Variants in KLC1 observed in about 807,000 individuals in gnomAD.
KLC1 encodes the protein kinesin 2 60/70kDa.
KLC1 carries 30 observed loss-of-function variants against 84.2 expected under a neutral mutation model. The ratio of observed to expected loss-of-function variants is 0.36; its 90% CI spans 0.27 to 0.48. KLC1 has a LOEUF of 0.48. KLC1 is among the 20% of genes least tolerant of loss of function. The probability of loss-of-function intolerance (pLI) is 0.99; values close to 1 mark genes in which losing one functional copy is unlikely to be tolerated. For missense variants in KLC1, 499 were observed against 805.4 expected, an observed-to-expected ratio of 0.62 and a Z score of 4.60; for synonymous variants, 289 against 293.3, an observed-to-expected ratio of 0.99 and a Z score of 0.15.
chr14:103,663,133 G>A (rs1410693725), intron 5 of KLC1, among the ~76,000 whole-genome samples: 2 of 150,680 alleles, frequency 1.3e-5, no homozygotes, highest in African/African-American at 4.9e-5. Context: ...AGGCTGGAGT[G>A]CCGGGGTGTG....
At position 103,649,068 on chromosome 14, in the gene KLC1, C is replaced by T. The variant is rs528824520; in HGVS notation, c.-1-5496C>T. Among the ~76,000 whole-genome samples, 6 of 151,872 alleles carry T rather than the reference C, an allele frequency of 4.0e-5. No individual in the cohort carries two copies. The South Asian group carries it at 8.3e-4, about 21-fold the overall frequency. ...GGGAGGATCGCTTGAGCCCGGGATGCGGAAGTTGCAGTGAGCCAAAATAGT... is the reference window on the plus strand; with the variant it reads ...GGGAGGATCGCTTGAGCCCGGGATGTGGAAGTTGCAGTGAGCCAAAATAGT... On this transcript the variant is annotated intron_variant, in intron 1 of 16. Transcript: ENST00000334553.
intron 1 of KLC1, among the ~76,000 whole-genome samples, chr14:103,636,361 A>G (rs1203759150): frequency 6.6e-6 from 1 of 152,030 alleles, no homozygotes; most frequent in Admixed American, 6.6e-5. Context: ...ATCTGGGATT[A>G]CAGTCATGGG....
chr14:103,676,077 G>A (rs998655075), intron 11 of KLC1, among the ~76,000 whole-genome samples: 3 of 152,278 alleles, frequency 2.0e-5, no homozygotes, highest in African/African-American at 2.4e-5. Flanking sequence ...CACACACAGC[G>A]CTGGAGACAC....
chr14:103,660,600 C>A (rs543331248), intron 3 of KLC1, among the ~76,000 whole-genome samples: 1 of 152,032 alleles, frequency 6.6e-6, no homozygotes, highest in Admixed American at 6.6e-5. Flanking sequence ...ACCAGCCTGG[C>A]CAACATAGCA....
Position 103,673,444 on chromosome 14 carries a change from C to T in KLC1, c.1261+13C>T, listed in dbSNP as rs769789543. ...GGTTCTGTAGATGGTAAGAAATATA[C>T]TCCCGTTTCAAGTGAATTTAATTGT... On this transcript the variant is annotated intron_variant, in intron 9 of 16. Transcript: ENST00000334553. 2.9e-5 allele frequency: 43 copies of T among 1,489,016 alleles called. No individual in the cohort carries two copies. The South Asian group carries it at 4.8e-4, about 17-fold the overall frequency. 92.2% of individuals were successfully genotyped at this position (1,489,016 alleles called of 1,614,324 possible). A position where few individuals can be genotyped will look rare whatever the true frequency, so the allele number is the denominator to read the frequency against.
At chr14:103,648,696 G>C (rs2078149403) in intron 1 of KLC1, among the ~76,000 whole-genome samples, 1 of 152,244 alleles carries the variant, frequency 6.6e-6, no homozygotes. Context: ...AACTACGTGG[G>C]AGACTGAGGT....
At chr14:103,682,442 T>G (rs2151788362) in intron 13 of KLC1, 1 of 151,614 alleles carries the variant, frequency 6.6e-6, no homozygotes, top group South Asian at 2.1e-4. Flanking sequence ...CCCACCACTT[T>G]GGGAGGCCAA....
At chr14:103,676,148 T>C (rs2080856861) in intron 11 of KLC1, among the ~76,000 whole-genome samples, 2 of 152,186 alleles carry the variant, frequency 1.3e-5, no homozygotes, top group South Asian at 2.1e-4. Flanking sequence ...CAGAGGGAAG[T>C]GTAGGCCCCT....
At position 103,662,873 on chromosome 14, in the gene KLC1, G is replaced by A. The variant is rs761107358; in HGVS notation, c.743G>A (p.Gly248Glu). ...QALEDLEKTS[G>E]HDHPDVATML... ...CTGGAGGACCTGGAGAAGACTTCAG[G>A]ACACGACCACCCGGACGTGGCCACC... The change falls in exon 5 of 17, where the codon GGA (glycine) becomes GAA (glutamate). Residue 248 changes from glycine to glutamate, a missense_variant. Gly to Glu is a moderately conservative substitution (Grantham distance 98, BLOSUM62 -2). Coordinates refer to ENST00000334553, the MANE Select transcript of KLC1 (RefSeq NM_001394837.1). The A allele has an allele frequency of 6.2e-7, 1 of 1,613,656 alleles. No individual in the cohort carries two copies. Among genetic ancestry groups the A allele is most frequent in the Non-Finnish European group, 8.5e-7 (1 of 1,179,958 alleles).
At chr14:103,631,792 C>T (rs150213290) in intron 1 of KLC1, among the ~76,000 whole-genome samples, 2,582 of 151,712 alleles carry the variant, frequency 0.017, 64 homozygotes, top group African/African-American at 0.055. Context: ...AGAGACGGGG[C>T]TTCACCATGT....
chr14:103,671,963 C>T (rs2080422088), intron 7 of KLC1, among the ~76,000 whole-genome samples: 1 of 152,174 alleles, frequency 6.6e-6, no homozygotes. Context: ...TTTACCCTTT[C>T]ATTCATTTAG....
chr14:103,684,848 C>G (rs1263906149), intron 13 of KLC1: 2 of 656,518 alleles, frequency 3.0e-6, no homozygotes, highest in Admixed American at 4.6e-5. Context: ...TTGAAATGAA[C>G]AGCAGGGGCT....
intron 1 of KLC1, among the ~76,000 whole-genome samples, chr14:103,631,720 C>G (rs1246230452): frequency 6.6e-6 from 1 of 152,108 alleles, no homozygotes; most frequent in Non-Finnish European, 1.5e-5. Context: ...GCCTCAGCCT[C>G]CCTAGTAGCT....
At chr14:103,680,275 T>G (rs2081245703) in intron 13 of KLC1, among the ~76,000 whole-genome samples, 1 of 764 alleles carries the variant, frequency 1.3e-3, no homozygotes, top group South Asian at 0.12. Flanking sequence ...AGCACATGGA[T>G]TTTTTTTTTT....
At chr14:103,662,042 A>G in intron 3 of KLC1, 74 bp from the exon 4 acceptor site, 1 of 933,936 alleles carries the variant, frequency 1.1e-6, no homozygotes, top group East Asian at 2.4e-5. Flanking sequence ...AAATGTATTT[A>G]ATATTAAAAA....
chr14:103,683,748 T>C (rs2081559405), intron 13 of KLC1: 1 of 152,272 alleles, frequency 6.6e-6, no homozygotes, highest in African/African-American at 2.4e-5. Flanking sequence ...TGAAGCAGCC[T>C]CTCTCCGTCT....
At chr14:103,692,243 G>A (rs1017761126) in intron 14 of KLC1, 116 bp from the exon 15 acceptor site, 1 of 884,830 alleles carries the variant, frequency 1.1e-6, no homozygotes. Flanking sequence ...TGAAGGCAAG[G>A]TCCCTAGAGC....
chr14:103,657,472 G>T, intron 2 of KLC1, 74 bp from the exon 3 acceptor site: 1 of 1,183,520 alleles, frequency 8.4e-7, no homozygotes, highest in East Asian at 2.4e-5. Context: ...CCCAGCCACA[G>T]AATGTTCGCA....
At chr14:103,667,819 G>T (rs1225338797) in intron 5 of KLC1, among the ~76,000 whole-genome samples, 1 of 152,198 alleles carries the variant, frequency 6.6e-6, no homozygotes, top group Non-Finnish European at 1.5e-5. Context: ...GGAAAGCCTT[G>T]CCAGGCAGTT....
Sources: allele counts gnomAD v4.1 joint callset (sites outside exome capture counted in the v4.1 genomes callset), GRCh38; gene constraint gnomAD v4.1.1; transcripts MANE v1.5; gene names NCBI Gene and HGNC (gene_info 2026-07-23, HGNC 2026-07-21).